Variants in TFCP2 observed in about 807,000 individuals in gnomAD.
The protein encoded by TFCP2 is transcription factor CP2.
A neutral mutation model predicts 73.4 loss-of-function variants in TFCP2; 33 were observed. The ratio of observed to expected loss-of-function variants is 0.45; its 90% CI spans 0.34 to 0.60. TFCP2 has a LOEUF of 0.60. TFCP2 is among the 20% of genes least tolerant of loss of function. The pLI is 0.01. For missense variants in TFCP2, 352 were observed against 604.0 expected, an observed-to-expected ratio of 0.58 and a Z score of 4.37; for synonymous variants, 193 against 211.6, an observed-to-expected ratio of 0.91 and a Z score of 0.76.
intron 1 of TFCP2, among the ~76,000 whole-genome samples, chr12:51,159,982 T>G (rs529357806): frequency 2.4e-4 from 36 of 152,148 alleles, no homozygotes; most frequent in African/African-American, 8.7e-4. Flanking sequence ...TAAATTGCAG[T>G]TAATTCCTCA....
chr12:51,157,647 C>A (rs1402872901), intron 1 of TFCP2, among the ~76,000 whole-genome samples: 1 of 131,214 alleles, frequency 7.6e-6, no homozygotes, highest in Middle Eastern at 4.2e-3. Flanking sequence ...TCATTTTTAT[C>A]TTTAGTATTT....
At chr12:51,167,360 T>C (rs934836939) in intron 1 of TFCP2, among the ~76,000 whole-genome samples, 9 of 151,608 alleles carry the variant, frequency 5.9e-5, no homozygotes, top group African/African-American at 2.2e-4. Flanking sequence ...AAAGAGAGTA[T>C]TTTCCCTAAT....
chr12:51,116,361 T>C lies in TFCP2; in HGVS notation c.411A>G (p.Leu137=). The C allele has an allele frequency of 2.5e-6, 4 of 1,610,540 alleles. No homozygotes were observed. The highest frequency in any genetic ancestry group is 2.2e-5 in the East Asian group (1 of 44,758). Reference sequence around the variant, plus strand: ...CAGGTCGGTTCCACCTCCAGCCCTCTAGCTGCTGATGCTCAGTGTACTGAA... The same window carrying C: ...CAGGTCGGTTCCACCTCCAGCCCTCCAGCTGCTGATGCTCAGTGTACTGAA... ...RRLQYTEHQQ[L]EGWRWNRPGD... is the part of the protein sequence containing the mutation. Residue 137 remains leucine (L), a synonymous_variant, in exon 4 of 15, where the codon CTA becomes CTG. Coordinates refer to ENST00000257915, the MANE Select transcript of TFCP2 (RefSeq NM_005653.5).
At chr12:51,117,793 T>G (rs758171185) in intron 2 of TFCP2, 46 bp from the exon 3 acceptor site, 2 of 1,359,668 alleles carry the variant, frequency 1.5e-6, no homozygotes, top group Non-Finnish European at 1.0e-6. Flanking sequence ...CAAATTAACT[T>G]TGCTAGATTC....
chr12:51,154,037 G>A (rs1276726886), intron 1 of TFCP2, among the ~76,000 whole-genome samples: 1 of 28,376 alleles, frequency 3.5e-5, no homozygotes, highest in Non-Finnish European at 1.3e-4. Flanking sequence ...GCCAACACCT[G>A]TTACTTTGAT....
At chr12:51,113,950 A>T (rs897769534) in intron 4 of TFCP2, among the ~76,000 whole-genome samples, 4 of 152,098 alleles carry the variant, frequency 2.6e-5, no homozygotes, top group Non-Finnish European at 5.9e-5. Flanking sequence ...CTCAAAATGG[A>T]CCTGTGACCT....
intron 1 of TFCP2, among the ~76,000 whole-genome samples, chr12:51,149,571 G>T (rs970961139): frequency 2.0e-5 from 3 of 152,132 alleles, no homozygotes; most frequent in African/African-American, 7.2e-5. Context: ...TGAAGAAATA[G>T]ATTACGTGTT....
At chr12:51,137,663 T>TA (rs1475130362) in intron 1 of TFCP2, among the ~76,000 whole-genome samples, 1 of 152,160 alleles carries the variant, frequency 6.6e-6, no homozygotes, top group African/African-American at 2.4e-5. Context: ...TCTTTCCAGT[T>TA]AGGCAAAAAA....
intron 1 of TFCP2, among the ~76,000 whole-genome samples, chr12:51,151,005 G>A (rs914331951): frequency 3.3e-5 from 5 of 152,158 alleles, no homozygotes; most frequent in African/African-American, 9.7e-5. Context: ...AGGAGTGCTG[G>A]TGAGGGGGAG....
At chr12:51,119,800 A>G (rs532215412) in intron 1 of TFCP2, among the ~76,000 whole-genome samples, 6 of 152,174 alleles carry the variant, frequency 3.9e-5, no homozygotes, top group African/African-American at 1.4e-4. Flanking sequence ...CCATGCATCT[A>G]TTGACCCAGC....
intron 1 of TFCP2, among the ~76,000 whole-genome samples, chr12:51,139,980 A>G (rs1297944645): frequency 6.6e-6 from 1 of 152,208 alleles, no homozygotes; most frequent in Non-Finnish European, 1.5e-5. Context: ...CAATAAATAC[A>G]TTATGAACAC....
At chr12:51,131,890 A>G (rs1463295068) in intron 1 of TFCP2, among the ~76,000 whole-genome samples, 1 of 152,126 alleles carries the variant, frequency 6.6e-6, no homozygotes, top group African/African-American at 2.4e-5. Context: ...AATAATTGGT[A>G]TATCTTTTTA....
chr12:51,110,963 T>C lies in TFCP2; in HGVS notation c.478A>G (p.Ile160Val). 1 of 1,613,610 alleles carries C rather than the reference T, an allele frequency of 6.2e-7. No homozygotes were observed. Among genetic ancestry groups the C allele is most frequent in the Non-Finnish European group, 8.5e-7 (1 of 1,179,544 alleles). ...LDIDIPMSVGIIDPRANPTQL... is the reference protein window; with the variant it reads ...LDIDIPMSVGVIDPRANPTQL... ...GTTGGATTAGCCCTAGGATCGATTA[T>C]ACCCACAGACATCGGGATATCTGAG... is the stretch of plus-strand genomic sequence containing the variant. Residue 160 changes from isoleucine to valine, a missense_variant, in exon 5 of 15, where the codon ATA (isoleucine) becomes GTA (valine). Around this residue, in one of 6 missense-constraint regions of TFCP2, gnomAD observed 31 missense variants for 43.7 expected, o/e 0.71. Coordinates refer to ENST00000257915, the MANE Select transcript of TFCP2 (RefSeq NM_005653.5).
intron 13 of TFCP2, among the ~76,000 whole-genome samples, chr12:51,098,309 G>A (rs1452753159): frequency 6.6e-6 from 1 of 152,074 alleles, no homozygotes; most frequent in African/African-American, 2.4e-5. Flanking sequence ...ACCTAAAAAT[G>A]TGCATGGGAA....
chr12:51,115,204 C>G (rs1184016294), intron 4 of TFCP2, among the ~76,000 whole-genome samples: 2 of 149,594 alleles, frequency 1.3e-5, no homozygotes, highest in Non-Finnish European at 3.0e-5. Context: ...ACTGCAAGCT[C>G]CGCCTCCCGG....
At chr12:51,099,237 G>C (rs1307181703) in intron 12 of TFCP2, among the ~76,000 whole-genome samples, 2 of 152,144 alleles carry the variant, frequency 1.3e-5, no homozygotes, top group African/African-American at 4.8e-5. Context: ...TATAGTCCCA[G>C]CAATTTGGGA....
chr12:51,138,799 T>C (rs1044548412), intron 1 of TFCP2, among the ~76,000 whole-genome samples: 10 of 152,092 alleles, frequency 6.6e-5, no homozygotes, highest in Admixed American at 4.6e-4. Flanking sequence ...CCACCACACC[T>C]GGCTAACTTT....
chr12:51,110,829 G>A (rs748218795), intron 5 of TFCP2, 48 bp downstream of exon 5: 1 of 1,270,572 alleles, frequency 7.9e-7, no homozygotes, highest in Non-Finnish European at 1.2e-6. Flanking sequence ...TAAACTGATA[G>A]TAAGAGAGAT....
intron 11 of TFCP2, 60 bp from the exon 12 acceptor site, chr12:51,099,839 A>T: frequency 6.3e-7 from 1 of 1,580,640 alleles, no homozygotes; most frequent in South Asian, 1.1e-5. Context: ...CAATAAAAAG[A>T]AGGGAGAAAT....
Sources: allele counts gnomAD v4.1 joint callset (sites outside exome capture counted in the v4.1 genomes callset), GRCh38; gene constraint gnomAD v4.1.1; regional missense constraint gnomAD v4.1.1; transcripts MANE v1.5; gene names NCBI Gene and HGNC (gene_info 2026-07-23, HGNC 2026-07-21).